The following BAZ2B variants were observed in gnomAD, a reference collection of about 807,000 sequenced individuals.
BAZ2B encodes bromodomain adjacent to zinc finger domain 2B.
In BAZ2B, 91 loss-of-function variants were observed where a neutral mutation model predicts 246.0. That is an observed-to-expected ratio of 0.37 (90% CI 0.31 to 0.44). The LOEUF (loss-of-function observed/expected upper bound fraction) is 0.44. BAZ2B is among the 20% of genes least tolerant of loss of function. The pLI, the probability that BAZ2B is intolerant of heterozygous loss-of-function variation, is 1.00. For synonymous variants in BAZ2B, 855 were observed against 860.0 expected (o/e 0.99, Z 0.10); for missense variants, 2,332 against 2,533.7 (o/e 0.92, Z 1.71).
chr2:159,428,244 C>CTT, intron 12 of BAZ2B, 67 bp downstream of exon 12: 2 of 1,355,178 alleles, frequency 1.5e-6, no homozygotes, highest in South Asian at 1.3e-5. Flanking sequence ...AAGGAGTACA[C>CTT]TTTTTTTTTG....
At chr2:159,367,545 C>T (rs192606004) in intron 27 of BAZ2B, among the ~76,000 whole-genome samples, 5 of 152,034 alleles carry the variant, frequency 3.3e-5, no homozygotes, top group Admixed American at 2.6e-4. Context: ...TAAATCTAAC[C>T]TTTCTTTATT....
chr2:159,378,735 A>G (rs143202548), intron 25 of BAZ2B, among the ~76,000 whole-genome samples: 3 of 152,336 alleles, frequency 2.0e-5, no homozygotes, highest in Admixed American at 6.5e-5. Context: ...TAAAATCAAA[A>G]TCACAATGAG....
chr2:159,403,383 T>C (rs1331920558), intron 16 of BAZ2B, among the ~76,000 whole-genome samples: 1 of 152,170 alleles, frequency 6.6e-6, no homozygotes, highest in Non-Finnish European at 1.5e-5. Context: ...GCAAAGACCA[T>C]GTGGATTCAG....
chr2:159,647,583 T>G, the BAZ2B span, among the ~76,000 whole-genome samples: 7 of 152,214 alleles, frequency 4.6e-5, no homozygotes, highest in African/African-American at 1.7e-4. Flanking sequence ...GATTAATTGA[T>G]ACACAAAATT....
chr2:159,432,238 C>T (rs1214705244), intron 9 of BAZ2B, among the ~76,000 whole-genome samples: 1 of 151,020 alleles, frequency 6.6e-6, no homozygotes, highest in Non-Finnish European at 1.5e-5. Flanking sequence ...AATAAAAATG[C>T]AAAGAAGTTA....
rs184070138 is a variant in BAZ2B, at chr2:159,454,269, G to A, written c.146-468C>T. Among the ~76,000 whole-genome samples, 4 of 152,308 alleles carry A rather than the reference G, an allele frequency of 2.6e-5. No homozygotes were observed. The East Asian group carries it at 7.7e-4, about 29-fold the overall frequency. ...ATACACTCTAAGCAAGGCCATCCCA[G>A]TTTCAACATGCCAGAGTTGAAGCTC... is the stretch of plus-strand genomic sequence containing the variant. On this transcript the variant is annotated intron_variant, in intron 3 of 36. Transcript: ENST00000392783.
At chr2:159,529,062 T>C (rs939769202) in intron 2 of BAZ2B, among the ~76,000 whole-genome samples, 2 of 151,890 alleles carry the variant, frequency 1.3e-5, no homozygotes, top group African/African-American at 4.8e-5. Context: ...TGTATACATA[T>C]GTAACAAACC....
intron 20 of BAZ2B, among the ~76,000 whole-genome samples, chr2:159,392,840 TTTC>T (rs1203109961): frequency 6.6e-6 from 1 of 152,188 alleles, no homozygotes; most frequent in Non-Finnish European, 1.5e-5. Context: ...CAATAGGCAA[TTTC>T]TTCTTCACTT....
intron 2 of BAZ2B, among the ~76,000 whole-genome samples, chr2:159,501,596 T>C (rs908555148): frequency 2.0e-5 from 3 of 152,170 alleles, no homozygotes; most frequent in Non-Finnish European, 4.4e-5. Context: ...CTTTTTAAAG[T>C]ATCCTTTATA....
the BAZ2B span, among the ~76,000 whole-genome samples, chr2:159,696,945 C>T: frequency 6.6e-6 from 1 of 152,278 alleles, no homozygotes; most frequent in Admixed American, 6.5e-5. Context: ...TGCCACCACA[C>T]TCGGCTAATT....
chr2:159,399,329 T>C (rs2064590035), intron 17 of BAZ2B, among the ~76,000 whole-genome samples: 1 of 152,108 alleles, frequency 6.6e-6, no homozygotes, highest in Non-Finnish European at 1.5e-5. Context: ...GAATTAGTAA[T>C]ATTTGAGAAT....
intron 1 of BAZ2B, among the ~76,000 whole-genome samples, chr2:159,598,182 C>T (rs1330329956): frequency 1.3e-5 from 2 of 151,974 alleles, no homozygotes; most frequent in Non-Finnish European, 1.5e-5. Context: ...TTAGTAGAGA[C>T]AGGGTTTCAC....
Position 159,332,704 on chromosome 2 carries a change from T to C in BAZ2B, c.5797-18A>G. The C allele has an allele frequency of 6.2e-7, 1 of 1,611,642 alleles. No individual in the cohort carries two copies. Among genetic ancestry groups the C allele is most frequent in the East Asian group, 2.2e-5 (1 of 44,814 alleles). ...TGGCAGTACTATAATACATGAAAAATCATTTAAAATTAACGCTCTGCCATG... is the reference window on the plus strand; with the variant it reads ...TGGCAGTACTATAATACATGAAAAACCATTTAAAATTAACGCTCTGCCATG... On this transcript the variant is annotated intron_variant, in intron 33 of 36. Coordinates refer to ENST00000392783, the MANE Select transcript of BAZ2B (RefSeq NM_013450.4).
chr2:159,370,728 C>T (rs553674698), intron 27 of BAZ2B, among the ~76,000 whole-genome samples: 2 of 152,210 alleles, frequency 1.3e-5, no homozygotes, highest in Non-Finnish European at 2.9e-5. Flanking sequence ...AGATCCTATA[C>T]TAAAACTTTG....
intron 3 of BAZ2B, among the ~76,000 whole-genome samples, chr2:159,468,412 G>A (rs1338398204): frequency 6.6e-6 from 1 of 152,134 alleles, no homozygotes; most frequent in Non-Finnish European, 1.5e-5. Flanking sequence ...AATTTTCACA[G>A]GTACAGAGGA....
intron 20 of BAZ2B, among the ~76,000 whole-genome samples, chr2:159,390,673 C>G (rs1280440800): frequency 6.6e-6 from 1 of 152,074 alleles, no homozygotes; most frequent in Non-Finnish European, 1.5e-5. Flanking sequence ...AGAGAAAGTA[C>G]AGTGTGTTTG....
At chr2:159,504,466 G>A (rs969723105) in intron 2 of BAZ2B, among the ~76,000 whole-genome samples, 16 of 152,090 alleles carry the variant, frequency 1.1e-4, no homozygotes, top group African/African-American at 3.4e-4. Flanking sequence ...AGCTTCCTGC[G>A]TAGTTGAGAC....
At chr2:159,666,653 C>T in the BAZ2B span, among the ~76,000 whole-genome samples, 5 of 151,978 alleles carry the variant, frequency 3.3e-5, no homozygotes, top group Non-Finnish European at 5.9e-5. Context: ...GTCAGGGGTT[C>T]GAGACCAGCC....
chr2:159,685,627 A>G, the BAZ2B span, among the ~76,000 whole-genome samples: 1 of 152,164 alleles, frequency 6.6e-6, no homozygotes, highest in Non-Finnish European at 1.5e-5. Context: ...GCCATGTTAA[A>G]GGGCCACAAA....
Sources: allele counts gnomAD v4.1 joint callset (sites outside exome capture counted in the v4.1 genomes callset), GRCh38; gene constraint gnomAD v4.1.1; transcripts MANE v1.5; gene names NCBI Gene and HGNC (gene_info 2026-07-23, HGNC 2026-07-21).